The following RP1 variants were observed in gnomAD, a reference collection of about 807,000 sequenced individuals.
The protein encoded by RP1 is oxygen-regulated protein 1.
In RP1, 16 loss-of-function variants were observed where a neutral mutation model predicts 14.8. The ratio of observed to expected loss-of-function variants is 1.08; its 90% CI spans 0.73 to 1.65. The LOEUF is 1.65. Ranked by LOEUF, RP1 falls within the 40% of genes most tolerant of loss-of-function variation. The pLI is 0.00. For synonymous variants in RP1, 876 were observed against 883.6 expected (o/e 0.99, Z 0.15); for missense variants, 2,631 against 2,535.0 (o/e 1.04, Z -0.81).
At chr8:54,662,590 A>G (rs1326583820) in intron 6 of RP1, among the ~76,000 whole-genome samples, 5 of 152,188 alleles carry the variant, frequency 3.3e-5, no homozygotes, top group Non-Finnish European at 5.9e-5. Flanking sequence ...GCATGTCTGC[A>G]TCTTCTCATC....
At position 54,624,703 on chromosome 8, in the gene RP1, A is replaced by G; in HGVS notation, c.821A>G (p.Gln274Arg). The G allele has an allele frequency of 6.2e-7, 1 of 1,613,986 alleles. No individual in the cohort carries two copies. Among genetic ancestry groups the G allele is most frequent in the Non-Finnish European group, 8.5e-7 (1 of 1,179,954 alleles). Reference protein sequence around the residue: ...STHMSSSSRSQIYSVSSEKTH... With the variant: ...STHMSSSSRSRIYSVSSEKTH... Reference sequence around the variant, plus strand: ...CATATGTCTTCAAGCTCAAGGTCCCAGATTTATTCTGTTTCTTCTGAGAAA... The same window carrying G: ...CATATGTCTTCAAGCTCAAGGTCCCGGATTTATTCTGTTTCTTCTGAGAAA... Residue 274 changes from glutamine (Q) to arginine (R), a missense_variant, in exon 4 of 4, where the codon CAG (glutamine) becomes CGG (arginine). Physicochemically the swap from Gln to Arg is conservative, Grantham distance 43 (BLOSUM62 1). Transcript: ENST00000220676.
chr8:54,694,011 G>A (rs1053372242), intron 12 of RP1, among the ~76,000 whole-genome samples: 2 of 152,122 alleles, frequency 1.3e-5, no homozygotes, highest in Non-Finnish European at 1.5e-5. Flanking sequence ...CTAATTTATT[G>A]AGAGTTTTTA....
intron 1 of RP1, among the ~76,000 whole-genome samples, chr8:54,595,515 C>A (rs1805123174): frequency 6.6e-6 from 1 of 152,156 alleles, no homozygotes. Context: ...TAGCAAACTG[C>A]AATCTTTTAA....
chr8:54,712,760 AG>A (rs1170252168), intron 15 of RP1, among the ~76,000 whole-genome samples: 1 of 152,222 alleles, frequency 6.6e-6, no homozygotes, highest in Non-Finnish European at 1.5e-5. Context: ...TTTGGTAGTG[AG>A]TCATTTTACT....
chr8:54,606,019 A>G lies in RP1; in HGVS notation c.-12-14936A>G, dbSNP rs1314787139. Among the ~76,000 whole-genome samples, 13 of 151,688 alleles carry G rather than the reference A, an allele frequency of 8.6e-5. No individual in the cohort carries two copies. In the East Asian group the frequency reaches 2.3e-3, roughly 27 times the overall value. ...CCAATTTGCCAGTCTGTGTCTTTTA[A>G]TTGGAGTATTTAGCCCATTTCCATT... On this transcript the variant is annotated intron_variant, in intron 1 of 22. Transcript: ENST00000636932.
rs781775155 is a variant in RP1, at chr8:54,789,099, C to A, written c.3615+5389C>A. ...GGGTATACTGAGGGACTTGGCAGGG[C>A]TAGATTCTATGGGGTCAGCCAGGAA... On this transcript the variant is annotated intron_variant, in intron 24 of 28. Coordinates refer to the RP1 transcript ENST00000637698. Among the ~76,000 whole-genome samples the A allele has an allele frequency of 3.3e-5, 5 of 152,276 alleles. No individual in the cohort carries two copies. In the East Asian group the frequency reaches 7.7e-4, roughly 24 times the overall value.
intron 1 of RP1, among the ~76,000 whole-genome samples, chr8:54,590,567 CT>C (rs1018722689): frequency 3.8e-4 from 58 of 152,280 alleles, no homozygotes; most frequent in African/African-American, 1.4e-3. Context: ...TGATCAGTTT[CT>C]TTTGGAAGCT....
intron 3 of RP1, among the ~76,000 whole-genome samples, chr8:54,647,916 A>T (rs1243006063): frequency 6.6e-6 from 1 of 152,072 alleles, no homozygotes; most frequent in Non-Finnish European, 1.5e-5. Context: ...TCCTTACCCA[A>T]ATCTCATCTT....
At chr8:54,716,657 C>T (rs747642893) in intron 15 of RP1, among the ~76,000 whole-genome samples, 3 of 152,314 alleles carry the variant, frequency 2.0e-5, no homozygotes, top group Admixed American at 6.5e-5. Flanking sequence ...CAGCCCTCTC[C>T]CAGATCTCCA....
At chr8:54,580,300 CTTTTTTTTTT>C (rs906806636) in intron 1 of RP1, among the ~76,000 whole-genome samples, 12 of 80,200 alleles carry the variant, frequency 1.5e-4, no homozygotes, top group African/African-American at 4.8e-4. Context: ...TCGTAGACTT[CTTTTTTTTTT>C]TTTTTTTTTT....
chr8:54,776,085 A>G (rs1390100586), intron 23 of RP1, among the ~76,000 whole-genome samples: 1 of 152,242 alleles, frequency 6.6e-6, no homozygotes. Flanking sequence ...AAAAAATACT[A>G]TTTATACAGC....
chr8:54,869,326 A>G (rs937177598), intron 28 of RP1, among the ~76,000 whole-genome samples: 2 of 152,210 alleles, frequency 1.3e-5, no homozygotes, highest in Non-Finnish European at 2.9e-5. Flanking sequence ...ATAAAAAAGA[A>G]TGTGATACAA....
chr8:54,705,973 C>T (rs565483663), intron 14 of RP1, among the ~76,000 whole-genome samples: 4 of 151,998 alleles, frequency 2.6e-5, no homozygotes, highest in South Asian at 2.1e-4. Flanking sequence ...TTATATCTTC[C>T]TCTTAAATTA....
intron 12 of RP1, among the ~76,000 whole-genome samples, chr8:54,682,623 C>G (rs1407791937): frequency 4.0e-5 from 6 of 151,758 alleles, no homozygotes; most frequent in African/African-American, 1.5e-4. Context: ...ATTTACATTT[C>G]TTTAATTTAC....
At chr8:54,841,526 G>A (rs745736978) in intron 25 of RP1, among the ~76,000 whole-genome samples, 3 of 152,270 alleles carry the variant, frequency 2.0e-5, no homozygotes, top group Non-Finnish European at 2.9e-5. Context: ...AAAGAAAAGT[G>A]TTTTGAGACT....
chr8:54,623,012 C>G (rs1805924140), intron 3 of RP1, among the ~76,000 whole-genome samples: 1 of 152,202 alleles, frequency 6.6e-6, no homozygotes, highest in Non-Finnish European at 1.5e-5. Context: ...GTTTTTTATA[C>G]TTAAATTTAA....
chr8:54,625,849 A>G lies in RP1; in HGVS notation c.1967A>G (p.Lys656Arg). 4 of 1,613,596 alleles carry G rather than the reference A, an allele frequency of 2.5e-6. No homozygotes were observed. The highest frequency in any genetic ancestry group is 3.4e-6 in the Non-Finnish European group (4 of 1,179,952). ...GAATTTGCTCAGTGTGGTTTAACAA[A>G]ACTTCCAAAAAATGAAAAGAAGATT... ...INEFAQCGLT[K>R]LPKNEKKILS... Residue 656 changes from lysine (K) to arginine (R), a missense_variant, in exon 4 of 4, where the codon AAA becomes AGA. Coordinates refer to ENST00000220676, the MANE Select transcript of RP1 (RefSeq NM_006269.2).
intron 6 of RP1, among the ~76,000 whole-genome samples, chr8:54,662,637 C>A (rs935197775): frequency 4.6e-5 from 7 of 152,166 alleles, no homozygotes; most frequent in Non-Finnish European, 1.0e-4. Context: ...GCCTCCTGAA[C>A]CAGAACTAGA....
chr8:54,591,791 G>T (rs914431598), intron 1 of RP1, among the ~76,000 whole-genome samples: 1 of 152,156 alleles, frequency 6.6e-6, no homozygotes, highest in East Asian at 1.9e-4. Context: ...TCTTCTGGGG[G>T]TTGGTTGGCT....
Sources: gnomAD v4.1 joint callset for allele counts (sites outside exome capture counted in the v4.1 genomes callset) on GRCh38, gnomAD v4.1.1 for gene constraint, MANE v1.5 for transcripts, NCBI Gene and HGNC (gene_info 2026-07-23, HGNC 2026-07-21) for gene names.